The following POLR1D variants were observed in gnomAD, a reference collection of about 807,000 sequenced individuals.
The protein encoded by POLR1D is DNA-directed RNA polymerases I and III subunit RPAC2.
Under a neutral mutation model 10.8 loss-of-function variants are expected in POLR1D, and 8 were observed. That is an observed-to-expected ratio of 0.74 (90% CI 0.43 to 1.33). The LOEUF (loss-of-function observed/expected upper bound fraction) is 1.33, where lower values mean the gene tolerates loss of function less well. POLR1D is among the 40% of genes most tolerant of loss of function. The pLI is 0.01. For synonymous variants in POLR1D, 54 were observed against 57.2 expected, an observed-to-expected ratio of 0.94 and a Z score of 0.25; for missense variants, 152 against 161.7, an observed-to-expected ratio of 0.94 and a Z score of 0.32.
Position 27,623,381 on chromosome 13 carries a change from C to T in POLR1D, c.*131C>T. 6.6e-7 allele frequency: 1 copy of T among 1,512,234 alleles called. No individual in the cohort carries two copies. Among genetic ancestry groups the T allele is most frequent in the South Asian group, 1.2e-5 (1 of 81,012 alleles). 93.7% of individuals were successfully genotyped at this position (1,512,234 alleles called of 1,614,324 possible). A position where few individuals can be genotyped will look rare whatever the true frequency, so the allele number is the denominator to read the frequency against. ...GAAAGGCGTGATTCTAGCTGTTGACCCCTTGCAGCTGTTGGAATCTCTGCA... is the reference window on the plus strand; with the variant it reads ...GAAAGGCGTGATTCTAGCTGTTGACTCCTTGCAGCTGTTGGAATCTCTGCA... On this transcript the variant is annotated 3_prime_UTR_variant, in exon 2 of 2. Transcript: ENST00000302979.
chr13:27,664,336 C>G (rs1442402538), intron 2 of POLR1D, among the ~76,000 whole-genome samples: 2 of 152,210 alleles, frequency 1.3e-5, no homozygotes, highest in Non-Finnish European at 2.9e-5. Context: ...TGCCCTTCGT[C>G]TCATTCACTG....
At chr13:27,650,378 G>T (rs771534142) in intron 2 of POLR1D, 7 of 223,396 alleles carry the variant, frequency 3.1e-5, no homozygotes, top group Non-Finnish European at 5.3e-5. Context: ...TTTGATTGAT[G>T]GATGGATGGA....
downstream of POLR1D, among the ~76,000 whole-genome samples, chr13:27,624,220 T>A (rs544919810): frequency 9.4e-4 from 143 of 152,310 alleles, 1 homozygote; most frequent in Non-Finnish European, 1.4e-3. Context: ...TTTGGGTACT[T>A]CTTTGTGCTT....
intron 1 of POLR1D, among the ~76,000 whole-genome samples, chr13:27,638,284 T>C (rs1356919320): frequency 2.0e-5 from 3 of 152,178 alleles, no homozygotes; most frequent in Non-Finnish European, 4.4e-5. Flanking sequence ...GTCTGTGGAG[T>C]GCAGGCTTTC....
At chr13:27,622,786 GTGTTGCAA>G (rs1211703581) in intron 1 of POLR1D, 81 bp from the exon 2 acceptor site, 1 of 776,008 alleles carries the variant, frequency 1.3e-6, no homozygotes, top group Non-Finnish European at 2.2e-6. Context: ...TAATAATAAT[GTGTTGCAA>G]TGTGATATAG....
At chr13:27,621,860 C>G (rs537150165), upstream of POLR1D, 3 of 1,020,750 alleles carry the variant, frequency 2.9e-6, no homozygotes, top group Non-Finnish European at 3.0e-6. Context: ...CCTCCTCCCT[C>G]CTTCCGTCCT....
rs533013073 is a variant in POLR1D at position 27,641,802 on chromosome 13, G to A, written c.27-6577G>A. Among the ~76,000 whole-genome samples the A allele has an allele frequency of 5.9e-5, 9 of 152,284 alleles. No homozygotes were observed. The East Asian group carries it at 1.7e-3, about 29-fold the overall frequency. ...GAGCTGAGTGTCTGGTGTAAAGGTT[G>A]TGAGTGGAGAGTGATTTGGACAGAG... is the stretch of plus-strand genomic sequence containing the variant. On this transcript the variant is annotated intron_variant, in intron 1 of 2. Transcript: ENST00000399697.
intron 1 of POLR1D, among the ~76,000 whole-genome samples, chr13:27,629,087 G>A (rs895412925): frequency 1.3e-5 from 2 of 152,212 alleles, no homozygotes; most frequent in African/African-American, 4.8e-5. Context: ...GCCTCCCAAA[G>A]TGCTAGGATT....
intron 1 of POLR1D, among the ~76,000 whole-genome samples, chr13:27,641,748 G>A (rs1297737580): frequency 7.2e-5 from 11 of 152,176 alleles, no homozygotes; most frequent in Admixed American, 5.2e-4. Flanking sequence ...CAGGGAGATC[G>A]GGAAAGGCTT....
intron 1 of POLR1D, among the ~76,000 whole-genome samples, chr13:27,636,307 G>C (rs559346551): frequency 6.6e-6 from 1 of 152,076 alleles, no homozygotes; most frequent in Non-Finnish European, 1.5e-5. Flanking sequence ...TTTAGTGTTA[G>C]GCAAGTTGTT....
At chr13:27,627,552 G>C (rs1956026298), downstream of POLR1D, among the ~76,000 whole-genome samples, 1 of 151,984 alleles carries the variant, frequency 6.6e-6, no homozygotes, top group Non-Finnish European at 1.5e-5. Context: ...GAATGGGATG[G>C]GTGAAAGGCA....
downstream of POLR1D, among the ~76,000 whole-genome samples, chr13:27,624,296 C>T (rs1336708268): frequency 6.6e-6 from 1 of 152,148 alleles, no homozygotes; most frequent in Non-Finnish European, 1.5e-5. Context: ...ATCTTGTTTA[C>T]CCACTAAACC....
downstream of POLR1D, among the ~76,000 whole-genome samples, chr13:27,627,590 C>A (rs765239390): frequency 3.3e-5 from 5 of 152,162 alleles, no homozygotes; most frequent in Non-Finnish European, 5.9e-5. Flanking sequence ...CTTTCATGAG[C>A]ACTCATTCTG....
At chr13:27,649,438 A>C (rs1956247914) in intron 2 of POLR1D, among the ~76,000 whole-genome samples, 1 of 152,226 alleles carries the variant, frequency 6.6e-6, no homozygotes, top group South Asian at 2.1e-4. Context: ...CTATATTTCC[A>C]AAAGATAAAA....
At chr13:27,656,154 G>A (rs1032589478) in intron 2 of POLR1D, among the ~76,000 whole-genome samples, 17 of 152,132 alleles carry the variant, frequency 1.1e-4, no homozygotes, top group Non-Finnish European at 1.9e-4. Flanking sequence ...GACAATGGCA[G>A]ATTCAACCAT....
rs140126380 is a variant in POLR1D, at chr13:27,622,346, A to G, written c.26+337A>G. ...TGTAACTACGGCTCACCTTCTTTCT[A>G]TGTGCAGACTGCTCCTAAAGCCACT... On this transcript the variant is annotated intron_variant, in intron 1 of 1. Coordinates refer to ENST00000302979, the MANE Select transcript of POLR1D (RefSeq NM_015972.4). 566 of 454,458 alleles carry G rather than the reference A, an allele frequency of 1.2e-3. 3 individuals are homozygous for G. Among genetic ancestry groups the G allele is most frequent in the African/African-American group, 0.01 (517 of 50,208 alleles). The allele number at this position is 454,458 out of a possible 1,614,324, so 28.2% of individuals were successfully genotyped here.
rs953443166 is a variant in POLR1D, at chr13:27,663,057, C to G, written c.102-2629C>G. On this transcript the variant is annotated intron_variant, in intron 2 of 2. Coordinates refer to the POLR1D transcript ENST00000399697. This position sits in a 1 kb window ranked among gnomAD's most constrained non-coding sequence, Gnocchi z 4.1. ...GCAAAATTAATTTCTACCTTAAAGG[C>G]CAGAGAAGCTCTCCCCACTGATTCC... 6.6e-6 allele frequency among the ~76,000 whole-genome samples: 1 copy of G among 152,208 alleles called. No individual in the cohort carries two copies. Among genetic ancestry groups the G allele is most frequent in the East Asian group, 1.9e-4 (1 of 5,202 alleles).
At chr13:27,629,898 G>T (rs1395955728) in intron 1 of POLR1D, among the ~76,000 whole-genome samples, 1 of 151,850 alleles carries the variant, frequency 6.6e-6, no homozygotes, top group Non-Finnish European at 1.5e-5. Context: ...GCATTAAAAA[G>T]ACTTTATTTA....
At chr13:27,623,518 C>T, downstream of POLR1D, 1 of 468,942 alleles carries the variant, frequency 2.1e-6, no homozygotes, top group South Asian at 2.5e-5. Flanking sequence ...CTAATTAAGC[C>T]AGCATTGAAA....
Sources: allele counts gnomAD v4.1 joint callset (sites outside exome capture counted in the v4.1 genomes callset), GRCh38; gene constraint gnomAD v4.1.1; non-coding constraint Gnocchi (gnomAD v3.1); transcripts MANE v1.5; gene names NCBI Gene and HGNC (gene_info 2026-07-23, HGNC 2026-07-21).